Variants in ATP7B observed in about 807,000 individuals in gnomAD.
ATP7B encodes the protein ATPase copper transporting beta, also known as copper-transporting ATPase 2.
In ATP7B, 113 loss-of-function variants were observed where a neutral mutation model predicts 118.9. The ratio of observed to expected loss-of-function variants is 0.95; its 90% CI spans 0.82 to 1.11. ATP7B has a LOEUF of 1.11. Among genes scored for constraint, ATP7B ranks in the 50% most tolerant of loss-of-function variants. The pLI, the probability that ATP7B is intolerant of heterozygous loss-of-function variation, is 0.00. For missense variants in ATP7B, 1,867 were observed against 1,871.4 expected (o/e 1.00, Z 0.04); for synonymous variants, 777 against 727.4 (o/e 1.07, Z -1.10).
chr13:51,949,561 A>T, intron 12 of ATP7B, 101 bp downstream of exon 12: 4 of 1,522,726 alleles, frequency 2.6e-6, no homozygotes, highest in Non-Finnish European at 3.6e-6. Context: ...AAATGTAATG[A>T]ATAATTAAAG....
At chr13:51,946,970 T>C (rs1461092114) in intron 12 of ATP7B, among the ~76,000 whole-genome samples, 1 of 152,212 alleles carries the variant, frequency 6.6e-6, no homozygotes, top group African/African-American at 2.4e-5. Flanking sequence ...AAAATGCTAT[T>C]CTAAGGTGAT....
intron 16 of ATP7B, among the ~76,000 whole-genome samples, chr13:51,940,435 C>A (rs1261649196): frequency 6.6e-6 from 1 of 151,404 alleles, no homozygotes; most frequent in Non-Finnish European, 1.5e-5. Flanking sequence ...AAGCAGATCA[C>A]CTGAGGTCAG....
chr13:51,946,356 C>A lies in ATP7B; in HGVS notation c.2988G>T (p.Met996Ile), dbSNP rs779874354. 7 of 1,612,880 alleles carry A rather than the reference C, an allele frequency of 4.3e-6. No individual in the cohort carries two copies. Among genetic ancestry groups the A allele is most frequent in the Non-Finnish European group, 5.9e-6 (7 of 1,179,782 alleles). Residue 996 changes from methionine to isoleucine, a missense_variant, in exon 13 of 21, where the codon ATG becomes ATT. Transcript: ENST00000242839. ...TCTGCGCGGCCACCCCGGTGCCCAC[C>A]ATGACAGCCGTGGGCGTGGCCAGCC... ...SLGLATPTAV[M>I]VGTGVAAQNG...
intron 14 of ATP7B, among the ~76,000 whole-genome samples, chr13:51,942,875 A>G (rs1316840253): frequency 6.6e-6 from 1 of 152,216 alleles, no homozygotes; most frequent in African/African-American, 2.4e-5. Flanking sequence ...GAAAAAGGCA[A>G]CTCATATCAA....
At chr13:51,972,356 C>G (rs542765663) in intron 2 of ATP7B, among the ~76,000 whole-genome samples, 1 of 152,258 alleles carries the variant, frequency 6.6e-6, no homozygotes, top group Non-Finnish European at 1.5e-5. Context: ...CCTCCTCCCT[C>G]TAATTCTTTC....
Position 51,934,417 on chromosome 13 carries a change from T to G in ATP7B, c.*339A>C. 5.3e-6 allele frequency: 2 copies of G among 379,596 alleles called. No homozygotes were observed. The highest frequency in any genetic ancestry group is 1.2e-4 in the East Asian group (2 of 16,058). 23.5% of individuals were successfully genotyped at this position (379,596 alleles called of 1,614,324 possible). Reference sequence around the variant, plus strand: ...TTTTTTGGTCCTGATGAAACTGTTCTCCATTTCACAGCAGTCATCCTAAAT... The same window carrying G: ...TTTTTTGGTCCTGATGAAACTGTTCGCCATTTCACAGCAGTCATCCTAAAT... On this transcript the variant is annotated 3_prime_UTR_variant, in exon 21 of 21. Transcript: ENST00000242839.
rs762876976 is a variant in ATP7B at position 51,942,431 on chromosome 13, G to C, written c.3367C>G (p.Pro1123Ala). Residue 1123 changes from proline (P) to alanine (A), a missense_variant, in exon 15 of 21, where the codon CCG (proline) becomes GCG (alanine). Transcript: ENST00000242839. Reference protein sequence around the residue: ...LAHSERPLSAPASHLNEAGSL... With the variant: ...LAHSERPLSAAASHLNEAGSL... ...CCAGCCTCATTCAGGTGACTGGCCGGTGCACTCAAAGGGCGCTCACTGTGG... is the reference window on the plus strand; with the variant it reads ...CCAGCCTCATTCAGGTGACTGGCCGCTGCACTCAAAGGGCGCTCACTGTGG... 1.9e-6 allele frequency: 3 copies of C among 1,614,232 alleles called. No homozygotes were observed. In the South Asian group the frequency reaches 3.3e-5, roughly 18 times the overall value.
chr13:51,986,747 A>C (rs1952668371), intron 1 of ATP7B, among the ~76,000 whole-genome samples: 1 of 152,194 alleles, frequency 6.6e-6, no homozygotes, highest in African/African-American at 2.4e-5. Flanking sequence ...CCTAGGATGC[A>C]GCAAGGCTGG....
Position 51,938,982 on chromosome 13 carries a change from C to A in ATP7B, c.3699+69G>T, listed in dbSNP as rs528190923. ...GGAGTACAGCTCAGTGCTGGGCCAACTGGTGCTTACTTTTGTCTCTAACTG... is the reference window on the plus strand; with the variant it reads ...GGAGTACAGCTCAGTGCTGGGCCAAATGGTGCTTACTTTTGTCTCTAACTG... On this transcript the variant is annotated intron_variant, in intron 17 of 20. Transcript: ENST00000242839. 65 of 1,612,436 alleles carry A rather than the reference C, an allele frequency of 4.0e-5. No individual in the cohort carries two copies. The African/African-American group carries it at 8.3e-4, about 21-fold the overall frequency.
rs1956803603 is a variant in ATP7B at position 51,933,521 on chromosome 13, CA to C, written c.*1234del. 1 of 152,246 alleles carries C rather than the reference CA, an allele frequency of 6.6e-6. No homozygotes were observed. The highest frequency in any genetic ancestry group is 1.5e-5 in the Non-Finnish European group (1 of 68,048). The allele number at this position is 152,246 out of a possible 1,614,324, so 9.4% of individuals were successfully genotyped here. Reference sequence around the variant, plus strand: ...TGCTCCCAAAGGGTTCTGTCAATCACAACCAACTTCAGAGTCTAAAACTGAA... The same window carrying C: ...TGCTCCCAAAGGGTTCTGTCAATCACACCAACTTCAGAGTCTAAAACTGAA... On this transcript the variant is annotated 3_prime_UTR_variant, in exon 21 of 21. Transcript: ENST00000242839.
At chr13:51,969,927 T>C (rs865778823) in intron 3 of ATP7B, among the ~76,000 whole-genome samples, 3 of 152,210 alleles carry the variant, frequency 2.0e-5, no homozygotes, top group Non-Finnish European at 4.4e-5. Context: ...GTGATTCTGG[T>C]GGCAAGGTAG....
Position 51,937,328 on chromosome 13 carries a change from G to A in ATP7B, c.3969C>T (p.Ile1323=), listed in dbSNP as rs1370446237. ...LSKRTVRRIR[I]NLVLALIYNL... is the part of the protein sequence containing the mutation. ...TATAAATCAGTGCCAGGACCAGGTT[G>A]ATGCGTATCCTTCGGACAGTCCTCT... Residue 1323 remains isoleucine (I), a synonymous_variant, in exon 19 of 21, where the codon ATC becomes ATT. Transcript: ENST00000242839. 1 of 1,614,212 alleles carries A rather than the reference G, an allele frequency of 6.2e-7. No homozygotes were observed. The highest frequency in any genetic ancestry group is 1.7e-5 in the Admixed American group (1 of 60,022).
chr13:52,010,830 C>T (rs1262939814), intron 1 of ATP7B, among the ~76,000 whole-genome samples: 2 of 152,226 alleles, frequency 1.3e-5, no homozygotes, highest in Non-Finnish European at 2.9e-5. Context: ...CAAAATATTT[C>T]TGTGCTGTTT....
At chr13:51,986,389 C>A (rs1366468108) in intron 1 of ATP7B, among the ~76,000 whole-genome samples, 2 of 152,142 alleles carry the variant, frequency 1.3e-5, no homozygotes, top group African/African-American at 2.4e-5. Context: ...CCTGAATAGA[C>A]AAATAACAAG....
At chr13:51,948,926 T>A (rs1260343186) in intron 12 of ATP7B, among the ~76,000 whole-genome samples, 1 of 152,168 alleles carries the variant, frequency 6.6e-6, no homozygotes, top group Non-Finnish European at 1.5e-5. Flanking sequence ...ACACCTGAAA[T>A]CCCAGCACTT....
At chr13:51,999,390 T>C (rs938206096) in intron 1 of ATP7B, among the ~76,000 whole-genome samples, 4 of 152,064 alleles carry the variant, frequency 2.6e-5, no homozygotes, top group African/African-American at 9.7e-5. Context: ...GACTTTCATA[T>C]CAGCTTATTA....
At chr13:51,936,482 G>A (rs1956970254) in intron 19 of ATP7B, among the ~76,000 whole-genome samples, 1 of 151,820 alleles carries the variant, frequency 6.6e-6, no homozygotes, top group Non-Finnish European at 1.5e-5. Context: ...GGTTCTTAAG[G>A]AGGGGGAATG....
At chr13:51,973,094 G>A (rs1951920171) in intron 2 of ATP7B, among the ~76,000 whole-genome samples, 1 of 151,900 alleles carries the variant, frequency 6.6e-6, no homozygotes, top group African/African-American at 2.4e-5. Flanking sequence ...CATCAAACAG[G>A]GAGAAAAAAA....
In ATP7B at chr13:51,991,099, A is replaced by G. The variant is rs1024117754; in HGVS notation, c.52-15931T>C. Among the ~76,000 whole-genome samples the G allele has an allele frequency of 4.6e-5, 7 of 152,044 alleles. 1 individual carries two copies. Among genetic ancestry groups the G allele is most frequent in the East Asian group, 1.9e-4 (1 of 5,194 alleles). On this transcript the variant is annotated intron_variant, in intron 1 of 20. Transcript: ENST00000242839. Reference sequence around the variant, plus strand: ...GAGACTCTGTCTCATATTTAAAGAAAAAAAAAAAAGAACCTAACCACCACT... The same window carrying G: ...GAGACTCTGTCTCATATTTAAAGAAGAAAAAAAAAGAACCTAACCACCACT...
Sources: gnomAD v4.1 joint callset for allele counts (sites outside exome capture counted in the v4.1 genomes callset) on GRCh38, gnomAD v4.1.1 for gene constraint, MANE v1.5 for transcripts, NCBI Gene and HGNC (gene_info 2026-07-23, HGNC 2026-07-21) for gene names.